B3GLCT: variants seen among roughly 807,000 people sequenced by gnomAD.
B3GLCT encodes beta 3-glucosyltransferase.
In B3GLCT, 65 loss-of-function variants were observed where a neutral mutation model predicts 63.4. The ratio of observed to expected loss-of-function variants is 1.03; its 90% CI spans 0.84 to 1.26. B3GLCT has a LOEUF of 1.26. B3GLCT is among the 50% of genes most tolerant of loss of function. The pLI is 0.00. For missense variants in B3GLCT, 577 were observed against 604.8 expected (o/e 0.95, Z 0.48); for synonymous variants, 233 against 219.2 (o/e 1.06, Z -0.55).
chr13:31,245,763 C>A (rs1871172441), intron 4 of B3GLCT, among the ~76,000 whole-genome samples: 1 of 152,018 alleles, frequency 6.6e-6, no homozygotes, highest in South Asian at 2.1e-4. Context: ...CTTATGTAAT[C>A]CTTCATGAAT....
At chr13:31,286,873 C>G in intron 12 of B3GLCT, 54 bp downstream of exon 12, 1 of 1,258,814 alleles carries the variant, frequency 7.9e-7, no homozygotes. Flanking sequence ...TATTCATATT[C>G]AAAAAACTAG....
At chr13:31,294,077 G>T (rs1425778384) in intron 12 of B3GLCT, among the ~76,000 whole-genome samples, 1 of 152,100 alleles carries the variant, frequency 6.6e-6, no homozygotes, top group Non-Finnish European at 1.5e-5. Flanking sequence ...GTTTAGTTTG[G>T]CTGGATATGA....
intron 12 of B3GLCT, among the ~76,000 whole-genome samples, chr13:31,316,777 C>T (rs76208348): frequency 6.6e-6 from 1 of 151,906 alleles, no homozygotes; most frequent in African/African-American, 2.4e-5. Context: ...AGTTATTTTT[C>T]GATTTTATTT....
chr13:31,217,067 G>A (rs552613327), intron 2 of B3GLCT, among the ~76,000 whole-genome samples: 1 of 152,306 alleles, frequency 6.6e-6, no homozygotes, highest in African/African-American at 2.4e-5. Context: ...CCAGCCATAT[G>A]TAAGTGTTCC....
chr13:31,214,754 T>C (rs577729335), intron 1 of B3GLCT, among the ~76,000 whole-genome samples: 1 of 152,262 alleles, frequency 6.6e-6, no homozygotes, highest in Non-Finnish European at 1.5e-5. Flanking sequence ...TTTGTACACA[T>C]CTATTTTATA....
At chr13:31,323,708 G>C in intron 13 of B3GLCT, 43 bp from the exon 14 acceptor site, 1 of 1,612,890 alleles carries the variant, frequency 6.2e-7, no homozygotes, top group Non-Finnish European at 8.5e-7. Context: ...AGCGGTGTCT[G>C]TGGAGCTTCT....
chr13:31,260,846 C>T, intron 6 of B3GLCT, 100 bp from the exon 7 acceptor site: 3 of 1,139,012 alleles, frequency 2.6e-6, no homozygotes, highest in Non-Finnish European at 3.9e-6. Context: ...CTCTTTATCA[C>T]CCAAAATATT....
intron 14 of B3GLCT, among the ~76,000 whole-genome samples, chr13:31,327,967 G>T (rs1242001105): frequency 6.6e-6 from 1 of 152,250 alleles, no homozygotes; most frequent in Non-Finnish European, 1.5e-5. Flanking sequence ...GTTAGGCCAG[G>T]TGCTGCTGAG....
At chr13:31,323,025 T>G (rs971144118) in intron 13 of B3GLCT, among the ~76,000 whole-genome samples, 16 of 152,202 alleles carry the variant, frequency 1.1e-4, no homozygotes, top group African/African-American at 3.9e-4. Flanking sequence ...TTTTTATACC[T>G]TCCTATTTTG....
intron 10 of B3GLCT, chr13:31,283,142 A>C (rs1466433919): frequency 6.6e-6 from 1 of 152,240 alleles, no homozygotes; most frequent in African/African-American, 2.4e-5. Context: ...CTAAAGGCTG[A>C]GGAAATTGAA....
intron 12 of B3GLCT, among the ~76,000 whole-genome samples, chr13:31,309,741 A>G (rs1874608011): frequency 6.6e-6 from 1 of 152,184 alleles, no homozygotes; most frequent in Admixed American, 6.5e-5. Context: ...GGAACTGTTC[A>G]AACCCTGTCC....
chr13:31,206,533 G>A (rs947814846), intron 1 of B3GLCT, among the ~76,000 whole-genome samples: 3 of 149,154 alleles, frequency 2.0e-5, no homozygotes, highest in African/African-American at 5.0e-5. Context: ...GAGGTCAGGG[G>A]TTCGAGACCA....
At chr13:31,264,438 A>G (rs1470466848) in intron 7 of B3GLCT, among the ~76,000 whole-genome samples, 4 of 152,132 alleles carry the variant, frequency 2.6e-5, no homozygotes, top group Admixed American at 2.6e-4. Context: ...GTTCATTGAT[A>G]TCCATGGTCT....
intron 13 of B3GLCT, among the ~76,000 whole-genome samples, chr13:31,320,701 G>A (rs1239944157): frequency 6.6e-6 from 1 of 152,208 alleles, no homozygotes; most frequent in Non-Finnish European, 1.5e-5. Context: ...GATCTTGGCA[G>A]ATGCTGTTTT....
At chr13:31,221,199 G>A (rs1869797568) in intron 2 of B3GLCT, among the ~76,000 whole-genome samples, 1 of 152,194 alleles carries the variant, frequency 6.6e-6, no homozygotes, top group Non-Finnish European at 1.5e-5. Flanking sequence ...CTCCAATGCT[G>A]TTTTTAGATC....
At chr13:31,268,490 A>G (rs1186379597) in intron 7 of B3GLCT, among the ~76,000 whole-genome samples, 3 of 152,180 alleles carry the variant, frequency 2.0e-5, no homozygotes, top group Non-Finnish European at 4.4e-5. Flanking sequence ...GGAAGTTTCC[A>G]TTTACTCTGA....
chr13:31,325,427 A>C (rs1875559097), intron 14 of B3GLCT, among the ~76,000 whole-genome samples: 1 of 152,216 alleles, frequency 6.6e-6, no homozygotes, highest in African/African-American at 2.4e-5. Context: ...ATAATTTATC[A>C]AGGTTAGTGT....
intron 3 of B3GLCT, among the ~76,000 whole-genome samples, chr13:31,227,931 G>T (rs1870182379): frequency 6.6e-6 from 1 of 152,218 alleles, no homozygotes; most frequent in Admixed American, 6.5e-5. Context: ...TGGTGGCAGG[G>T]TGCTGACACA....
At chr13:31,271,992 T>G (rs73445236) in intron 8 of B3GLCT, among the ~76,000 whole-genome samples, 3,641 of 152,280 alleles carry the variant, frequency 0.024, 148 homozygotes, top group African/African-American at 0.081. Flanking sequence ...TTTTTGGTTG[T>G]TTGCCTCATA....
Sources: allele counts gnomAD v4.1 joint callset (sites outside exome capture counted in the v4.1 genomes callset), GRCh38; gene constraint gnomAD v4.1.1; transcripts MANE v1.5; gene names NCBI Gene and HGNC (gene_info 2026-07-23, HGNC 2026-07-21).